Variants in SH3BP4 observed in about 807,000 individuals in gnomAD.
The protein encoded by SH3BP4 is SH3 domain-binding protein 4.
A neutral mutation model predicts 65.5 loss-of-function variants in SH3BP4; 33 were observed. That is an observed-to-expected ratio of 0.50 (90% CI 0.38 to 0.67). The LOEUF (loss-of-function observed/expected upper bound fraction) is 0.67. Among genes scored for constraint, SH3BP4 ranks in the 30% least tolerant of loss-of-function variants. The probability of loss-of-function intolerance (pLI) is 0.00; values close to 1 mark genes in which losing one functional copy is unlikely to be tolerated. For synonymous variants in SH3BP4, 552 were observed against 545.5 expected (o/e 1.01, Z -0.17); for missense variants, 1,134 against 1,261.4 (o/e 0.90, Z 1.53).
At chr2:234,970,017 ACACT>A (rs1285195985) in intron 1 of SH3BP4, among the ~76,000 whole-genome samples, 18 of 151,394 alleles carry the variant, frequency 1.2e-4, no homozygotes, top group African/African-American at 4.1e-4. Context: ...TCACACACAC[ACACT>A]GTCACACACT....
Position 235,041,274 on chromosome 2 carries a change from C to T in SH3BP4, c.505C>T (p.Pro169Ser). 6.2e-7 allele frequency: 1 copy of T among 1,614,158 alleles called. No homozygotes were observed. The highest frequency in any genetic ancestry group is 8.5e-7 in the Non-Finnish European group (1 of 1,180,024). Residue 169 changes from proline to serine, a missense_variant, in exon 4 of 6, where the codon CCA (proline) becomes TCA (serine). Coordinates refer to ENST00000392011, the MANE Select transcript of SH3BP4 (RefSeq NM_014521.3). The surrounding 1 kb of genome is among the most constrained non-coding windows in gnomAD (Gnocchi z 6.0). ...NPFWNGVQTN[P>S]FLNGNVPVMP... Reference sequence around the variant, plus strand: ...TTTCTGGAATGGGGTCCAGACCAATCCATTTCTGAATGGGAACGTGCCCGT... The same window carrying T: ...TTTCTGGAATGGGGTCCAGACCAATTCATTTCTGAATGGGAACGTGCCCGT...
At chr2:234,969,100 G>A (rs1692911847) in intron 1 of SH3BP4, among the ~76,000 whole-genome samples, 1 of 152,150 alleles carries the variant, frequency 6.6e-6, no homozygotes, top group Non-Finnish European at 1.5e-5. Flanking sequence ...CTCAGCCCAG[G>A]GCTACTTCCC....
At chr2:235,018,330 CT>C (rs11294320) in intron 2 of SH3BP4, among the ~76,000 whole-genome samples, 6,015 of 152,154 alleles carry the variant, frequency 0.04, 381 homozygotes, top group African/African-American at 0.14. Flanking sequence ...GTCCCTGTGC[CT>C]ATTTTAGTCT....
In SH3BP4 at chr2:234,966,883, T is replaced by G. The variant is rs564700456; in HGVS notation, c.-207+14713T>G. ...CTTTGCTTAATTAAGGTAACATTAT[T>G]CTTGATAGTAGAAATATTAAAAATA... On this transcript the variant is annotated intron_variant, in intron 1 of 5. Transcript: ENST00000392011. Among the ~76,000 whole-genome samples the G allele has an allele frequency of 5.3e-4, 81 of 152,360 alleles. 1 individual carries two copies. The South Asian group carries it at 0.015, about 28-fold the overall frequency.
rs969451393 is a variant in SH3BP4 at position 234,977,442 on chromosome 2, C to A, written c.-206-17861C>A. On this transcript the variant is annotated intron_variant, in intron 1 of 5. Coordinates refer to ENST00000392011, the MANE Select transcript of SH3BP4 (RefSeq NM_014521.3). This position sits in a 1 kb window ranked among gnomAD's most constrained non-coding sequence, Gnocchi z 5.1. ...CTGGCCAGTGAGGAGCTTCTAAACA[C>A]GGAGGCAGATCAGCTTTTTGCCGAG... 6.6e-6 allele frequency among the ~76,000 whole-genome samples: 1 copy of A among 152,212 alleles called. No homozygotes were observed. Among genetic ancestry groups the A allele is most frequent in the Non-Finnish European group, 1.5e-5 (1 of 68,046 alleles).
chr2:235,019,449 T>C (rs1480734766), intron 2 of SH3BP4, among the ~76,000 whole-genome samples: 1 of 150,846 alleles, frequency 6.6e-6, no homozygotes, highest in Admixed American at 6.6e-5. Flanking sequence ...TTTTTTTTTT[T>C]TTTTGAGATG....
chr2:235,049,517 CGAG>C (rs1214257622), intron 4 of SH3BP4, among the ~76,000 whole-genome samples: 1 of 152,166 alleles, frequency 6.6e-6, no homozygotes, highest in African/African-American at 2.4e-5. Context: ...GGACCACAGA[CGAG>C]GCTGCCACCA....
chr2:234,975,000 C>G lies in SH3BP4; in HGVS notation c.-206-20303C>G, dbSNP rs1178475006. Among the ~76,000 whole-genome samples the G allele has an allele frequency of 6.6e-6, 1 of 152,178 alleles. No individual in the cohort carries two copies. Among genetic ancestry groups the G allele is most frequent in the Non-Finnish European group, 1.5e-5 (1 of 68,036 alleles). On this transcript the variant is annotated intron_variant, in intron 1 of 5. Coordinates refer to ENST00000392011, the MANE Select transcript of SH3BP4 (RefSeq NM_014521.3). This position sits in a 1 kb window ranked among gnomAD's most constrained non-coding sequence, Gnocchi z 4.6. The stretch of plus-strand genomic sequence containing the variant: ...TCTCAGTCCCGTCCCTCGGAGCAGG[C>G]CAAGCTCGGGCGGCAGGCAGCTGCC...
At chr2:235,031,805 G>T (rs1695210920) in intron 2 of SH3BP4, among the ~76,000 whole-genome samples, 1 of 152,228 alleles carries the variant, frequency 6.6e-6, no homozygotes, top group Non-Finnish European at 1.5e-5. Flanking sequence ...AACAGTTCCT[G>T]TTACCGCCCT....
At position 235,033,874 on chromosome 2, in the gene SH3BP4, G is replaced by T. The variant is rs946050711; in HGVS notation, c.-132-997G>T. Reference sequence around the variant, plus strand: ...CACTGGGTCAGAAGCTACATTCTCAGCTGTCCCTGGATAGAGGAATTGAGG... The same window carrying T: ...CACTGGGTCAGAAGCTACATTCTCATCTGTCCCTGGATAGAGGAATTGAGG... On this transcript the variant is annotated intron_variant, in intron 2 of 5. Coordinates refer to ENST00000392011, the MANE Select transcript of SH3BP4 (RefSeq NM_014521.3). This position sits in a 1 kb window ranked among gnomAD's most constrained non-coding sequence, Gnocchi z 5.7. Among the ~76,000 whole-genome samples, 1 of 152,186 alleles carries T rather than the reference G, an allele frequency of 6.6e-6. No individual in the cohort carries two copies. The highest frequency in any genetic ancestry group is 6.5e-5 in the Admixed American group (1 of 15,282).
chr2:235,002,496 C>T (rs114761519), intron 2 of SH3BP4, among the ~76,000 whole-genome samples: 2,835 of 152,222 alleles, frequency 0.019, 100 homozygotes, highest in African/African-American at 0.065. Flanking sequence ...GAGGCTGAAG[C>T]GGGCGGATCA....
intron 2 of SH3BP4, among the ~76,000 whole-genome samples, chr2:235,012,842 G>T (rs911985566): frequency 6.6e-6 from 1 of 152,212 alleles, no homozygotes; most frequent in Non-Finnish European, 1.5e-5. Context: ...AAGGAGACAG[G>T]GATGAGTTTT....
At chr2:234,953,573 C>A (rs1481602876) in intron 1 of SH3BP4, among the ~76,000 whole-genome samples, 2 of 152,142 alleles carry the variant, frequency 1.3e-5, no homozygotes, top group Non-Finnish European at 2.9e-5. Context: ...GGTTCCTTGC[C>A]TTGTAAAAAT....
At chr2:235,008,035 G>A (rs753492459) in intron 2 of SH3BP4, among the ~76,000 whole-genome samples, 27 of 152,202 alleles carry the variant, frequency 1.8e-4, no homozygotes, top group Non-Finnish European at 3.2e-4. Context: ...GAGAGTCGCA[G>A]CTGGGTGGCT....
At position 235,042,682 on chromosome 2, in the gene SH3BP4, C is replaced by T. The variant is rs765131226; in HGVS notation, c.1913C>T (p.Pro638Leu). 11 of 1,614,068 alleles carry T rather than the reference C, an allele frequency of 6.8e-6. No individual in the cohort carries two copies. The highest frequency in any genetic ancestry group is 3.3e-5 in the South Asian group (3 of 91,086). ...KNEVGKIILS[P>L]FATTTKYPTF... is the part of the protein sequence containing the mutation. ...GAAGTCGGGAAAATCATCCTGTCCCCGTTTGCCACCACTACAAAGTACCCG... is the reference window on the plus strand; with the variant it reads ...GAAGTCGGGAAAATCATCCTGTCCCTGTTTGCCACCACTACAAAGTACCCG... Residue 638 changes from proline (P) to leucine (L), a missense_variant, in exon 4 of 6, where the codon CCG (proline) becomes CTG (leucine). Physicochemically the swap from Pro to Leu is moderately conservative, Grantham distance 98. Coordinates refer to ENST00000392011, the MANE Select transcript of SH3BP4 (RefSeq NM_014521.3). The surrounding 1 kb of genome is among the most constrained non-coding windows in gnomAD (Gnocchi z 7.3).
intron 2 of SH3BP4, among the ~76,000 whole-genome samples, chr2:235,025,606 T>C (rs1011515778): frequency 7.9e-5 from 12 of 152,222 alleles, no homozygotes; most frequent in Admixed American, 1.3e-4. Context: ...CTGCGCTCAA[T>C]GCTGGAAAAT....
chr2:234,964,766 T>G (rs768976822), intron 1 of SH3BP4, among the ~76,000 whole-genome samples: 3 of 152,178 alleles, frequency 2.0e-5, no homozygotes, highest in Non-Finnish European at 2.9e-5. Flanking sequence ...CAGGTCCTTC[T>G]GCACTTCCCT....
Position 235,034,458 on chromosome 2 carries a change from C to G in SH3BP4, c.-132-413C>G, listed in dbSNP as rs1012599984. ...ATGATGACTGCCCCTGCGCTGGGAT[C>G]AGCCACTCTGAACAAGCAGAGGCCG... On this transcript the variant is annotated intron_variant, in intron 2 of 5. Coordinates refer to ENST00000392011, the MANE Select transcript of SH3BP4 (RefSeq NM_014521.3). This position sits in a 1 kb window ranked among gnomAD's most constrained non-coding sequence, Gnocchi z 6.2. 6.6e-6 allele frequency among the ~76,000 whole-genome samples: 1 copy of G among 152,160 alleles called. No individual in the cohort carries two copies. The highest frequency in any genetic ancestry group is 2.4e-5 in the African/African-American group (1 of 41,440).
chr2:235,025,657 C>T (rs1299955381), intron 2 of SH3BP4, among the ~76,000 whole-genome samples: 1 of 152,110 alleles, frequency 6.6e-6, no homozygotes, highest in Non-Finnish European at 1.5e-5. Context: ...TTCAAGGAAA[C>T]GAGTGTAGTT....
Sources: allele counts gnomAD v4.1 joint callset (sites outside exome capture counted in the v4.1 genomes callset), GRCh38; gene constraint gnomAD v4.1.1; non-coding constraint Gnocchi (gnomAD v3.1); transcripts MANE v1.5; gene names NCBI Gene and HGNC (gene_info 2026-07-23, HGNC 2026-07-21).